The following RYR2 variants were observed in gnomAD, a reference collection of about 807,000 sequenced individuals.
RYR2 encodes ryanodine receptor 2, also known as cardiac muscle ryanodine receptor-calcium release channel.
Under a neutral mutation model 601.1 loss-of-function variants are expected in RYR2, and 227 were observed. The ratio of observed to expected loss-of-function variants is 0.38; its 90% CI spans 0.34 to 0.42. The LOEUF (loss-of-function observed/expected upper bound fraction) is 0.42, where lower values mean the gene tolerates loss of function less well. Among genes scored for constraint, RYR2 ranks in the 10% least tolerant of loss-of-function variants. RYR2 has a pLI of 1.00. For synonymous variants in RYR2, 2,223 were observed against 2,175.1 expected (o/e 1.02, Z -0.61); for missense variants, 4,646 against 6,156.5 (o/e 0.75, Z 8.21).
chr1:237,565,692 G>T (rs1337036104), intron 27 of RYR2, among the ~76,000 whole-genome samples: 1 of 152,106 alleles, frequency 6.6e-6, no homozygotes, highest in Non-Finnish European at 1.5e-5. Context: ...TTCCTCCTCT[G>T]CATCTAACTC....
intron 2 of RYR2, among the ~76,000 whole-genome samples, chr1:237,326,345 A>G (rs936369191): frequency 1.6e-4 from 25 of 152,110 alleles, no homozygotes; most frequent in Non-Finnish European, 1.2e-4. Flanking sequence ...TTCCCAAAGT[A>G]TATATATTCT....
chr1:237,223,726 G>T (rs376501627), intron 1 of RYR2, among the ~76,000 whole-genome samples: 105 of 152,236 alleles, frequency 6.9e-4, no homozygotes, highest in African/African-American at 2.4e-3. Flanking sequence ...CACACCACAG[G>T]TTTGTCCGAC....
intron 1 of RYR2, among the ~76,000 whole-genome samples, chr1:237,243,299 T>A (rs556294237): frequency 6.6e-6 from 1 of 152,304 alleles, no homozygotes; most frequent in South Asian, 2.1e-4. Context: ...CAGTCTCTAA[T>A]CCAGGCTCCC....
In RYR2 at chr1:237,456,689, A is replaced by T. The variant is rs1658864720; in HGVS notation, c.1566A>T (p.Ala522=). Residue 522 remains alanine (A), a synonymous_variant, in exon 16 of 105, where the codon GCA becomes GCT. Transcript: ENST00000366574. ...TTGCTGATGTTGCTGGGCGAGAAGCAGGAGAGTCTTGGAAATCCATTCTGA... is the reference window on the plus strand; with the variant it reads ...TTGCTGATGTTGCTGGGCGAGAAGCTGGAGAGTCTTGGAAATCCATTCTGA... ...AHFADVAGRE[A]GESWKSILNS... The T allele has an allele frequency of 1.2e-6, 2 of 1,613,704 alleles. No homozygotes were observed. Among genetic ancestry groups the T allele is most frequent in the Non-Finnish European group, 1.7e-6 (2 of 1,179,688 alleles).
At chr1:237,071,523 C>T (rs529138134) in intron 1 of RYR2, among the ~76,000 whole-genome samples, 4 of 152,122 alleles carry the variant, frequency 2.6e-5, no homozygotes, top group Middle Eastern at 3.2e-3. Context: ...CCTGCCCGGC[C>T]GAGTCCAGGG....
chr1:237,689,779 A>G (rs1686774770), intron 63 of RYR2, among the ~76,000 whole-genome samples: 1 of 151,768 alleles, frequency 6.6e-6, no homozygotes, highest in South Asian at 2.1e-4. Flanking sequence ...TAAAATATAA[A>G]CTTCAACATG....
At chr1:237,676,921 A>G (rs1685450673) in intron 60 of RYR2, among the ~76,000 whole-genome samples, 1 of 152,148 alleles carries the variant, frequency 6.6e-6, no homozygotes, top group South Asian at 2.1e-4. Context: ...TCTTGACATA[A>G]CTTCATATGA....
In RYR2 at chr1:237,667,887, T is replaced by C. The variant is rs1684463438; in HGVS notation, c.8519T>C (p.Met2840Thr). 5.7e-6 allele frequency: 9 copies of C among 1,579,338 alleles called. No homozygotes were observed. Among genetic ancestry groups the C allele is most frequent in the Non-Finnish European group, 7.7e-6 (9 of 1,161,926 alleles). ...AAATATTTTTGTTCATTTAAGGCTATGGCAGAAATGATGGCTGAAAACTAC... is the reference window on the plus strand; with the variant it reads ...AAATATTTTTGTTCATTTAAGGCTACGGCAGAAATGATGGCTGAAAACTAC... The part of the protein sequence containing the change: ...NVTLSRDLHA[M>T]AEMMAENYHN... Residue 2840 changes from methionine to threonine, a missense_variant, in exon 58 of 105, where the codon ATG becomes ACG. Met to Thr is a moderately conservative substitution (Grantham distance 81). This residue lies in a region of RYR2 where 1,497 missense variants were observed against 1,842.6 expected (regional missense o/e 0.81). Transcript: ENST00000366574.
chr1:237,539,873 A>T (rs1669065952), intron 25 of RYR2, among the ~76,000 whole-genome samples: 1 of 152,060 alleles, frequency 6.6e-6, no homozygotes, highest in South Asian at 2.1e-4. Flanking sequence ...AAAATAGCCA[A>T]TTTTTGTGTA....
chr1:237,452,092 T>A (rs1658226417), intron 14 of RYR2, among the ~76,000 whole-genome samples: 1 of 108,634 alleles, frequency 9.2e-6, no homozygotes, highest in Non-Finnish European at 2.2e-5. Flanking sequence ...TGTGTGTGTG[T>A]GTGTGTGTGT....
rs150608258 is a variant in RYR2, at chr1:237,534,116, T to C, written c.2906+3606T>C. 2.9e-3 allele frequency among the ~76,000 whole-genome samples: 443 copies of C among 151,986 alleles called. 5 individuals are homozygous for C. Among genetic ancestry groups the C allele is most frequent in the African/African-American group, 0.01 (420 of 41,488 alleles). On this transcript the variant is annotated intron_variant, in intron 25 of 104. Coordinates refer to ENST00000366574, the MANE Select transcript of RYR2 (RefSeq NM_001035.3). ...TCAATAACTTTAGAACATAGAAAAG[T>C]TGAAAATAGTAAGAATGACACACTA...
intron 3 of RYR2, among the ~76,000 whole-genome samples, chr1:237,350,617 A>C (rs865881591): frequency 2.7e-3 from 289 of 108,336 alleles, no homozygotes; most frequent in Non-Finnish European, 4.4e-3. Context: ...ATATATATAT[A>C]TATATATATA....
intron 72 of RYR2, 47 bp from the exon 73 acceptor site, chr1:237,718,415 T>C: frequency 1.1e-6 from 1 of 942,282 alleles, no homozygotes; most frequent in South Asian, 1.5e-5. Flanking sequence ...CTTGTGACAG[T>C]TGATGCAATA....
intron 1 of RYR2, among the ~76,000 whole-genome samples, chr1:237,239,563 C>A (rs1685934761): frequency 6.6e-6 from 1 of 152,156 alleles, no homozygotes; most frequent in African/African-American, 2.4e-5. Flanking sequence ...TCCTTCTTTA[C>A]TGCACACGTG....
chr1:237,161,283 A>G (rs940184323), intron 1 of RYR2, among the ~76,000 whole-genome samples: 1 of 152,174 alleles, frequency 6.6e-6, no homozygotes, highest in Non-Finnish European at 1.5e-5. Flanking sequence ...AAAGATTTAA[A>G]TAACTTTCTA....
At chr1:237,508,806 G>C (rs1572649058) in intron 23 of RYR2, among the ~76,000 whole-genome samples, 2 of 136,464 alleles carry the variant, frequency 1.5e-5, no homozygotes, top group East Asian at 4.4e-4. Context: ...GCAGTGGCGG[G>C]ATCTCGGCTC....
chr1:237,254,560 G>C (rs1307282011), intron 1 of RYR2, among the ~76,000 whole-genome samples: 1 of 152,138 alleles, frequency 6.6e-6, no homozygotes, highest in Non-Finnish European at 1.5e-5. Flanking sequence ...TCTGGTATAG[G>C]TCTTTGAGAA....
chr1:237,241,293 C>T lies in RYR2; in HGVS notation c.49-29204C>T, dbSNP rs12041754. Among the ~76,000 whole-genome samples, 1,605 of 152,274 alleles carry T rather than the reference C, an allele frequency of 0.011. 90 individuals are homozygous for T. In the East Asian group the frequency reaches 0.16, roughly 15 times the overall value. Reference sequence around the variant, plus strand: ...TTAAACATGTTGAAACATGATAAAACGTGTCTTAGAATTAACGAAATGTAA... The same window carrying T: ...TTAAACATGTTGAAACATGATAAAATGTGTCTTAGAATTAACGAAATGTAA... On this transcript the variant is annotated intron_variant, in intron 1 of 104. Transcript: ENST00000366574.
intron 65 of RYR2, among the ~76,000 whole-genome samples, chr1:237,700,695 T>C (rs1687893811): frequency 6.6e-6 from 1 of 152,112 alleles, no homozygotes; most frequent in Admixed American, 6.5e-5. Flanking sequence ...AAGGTACTGG[T>C]TATAGAAAAT....
Sources: gnomAD v4.1 joint callset for allele counts (sites outside exome capture counted in the v4.1 genomes callset) on GRCh38, gnomAD v4.1.1 for gene constraint, gnomAD v4.1.1 regional missense constraint, MANE v1.5 for transcripts, NCBI Gene and HGNC (gene_info 2026-07-23, HGNC 2026-07-21) for gene names.